The following SLC12A7 variants were observed in gnomAD, a reference collection of about 807,000 sequenced individuals.
SLC12A7 encodes the protein K-Cl cotransporter 4.
A neutral mutation model predicts 120.6 loss-of-function variants in SLC12A7; 100 were observed. That is an observed-to-expected ratio of 0.83 (90% CI 0.71 to 0.98). The LOEUF (loss-of-function observed/expected upper bound fraction) is 0.98. Among genes scored for constraint, SLC12A7 ranks in the 50% least tolerant of loss-of-function variants. The pLI is 0.00. For synonymous variants in SLC12A7, 760 were observed against 678.0 expected, an observed-to-expected ratio of 1.12 and a Z score of -1.88; for missense variants, 1,373 against 1,548.1, an observed-to-expected ratio of 0.89 and a Z score of 1.90.
upstream of SLC12A7, among the ~76,000 whole-genome samples, chr5:1,113,464 T>C (rs1743186760): frequency 6.6e-6 from 1 of 152,196 alleles, no homozygotes; most frequent in Admixed American, 6.5e-5. Flanking sequence ...CTTTGCCCCA[T>C]GGACTCTTCT....
rs200301497 is a variant in SLC12A7 at position 1,053,501 on chromosome 5, C to A, written c.3027-19G>T. The A allele has an allele frequency of 1.7e-5, 28 of 1,611,048 alleles. No individual in the cohort carries two copies. The highest frequency in any genetic ancestry group is 2.2e-5 in the Non-Finnish European group (26 of 1,178,740). On this transcript the variant is annotated intron_variant, in intron 22 of 23. Transcript: ENST00000264930. The stretch of plus-strand genomic sequence containing the variant: ...CTGGTCCCTGCAGGGGAGGTGGGCA[C>A]GGTCAGCGGGCGGCGGGTGCACCCC...
At chr5:1,122,814 A>G in the SLC12A7 span, among the ~76,000 whole-genome samples, 2 of 152,216 alleles carry the variant, frequency 1.3e-5, no homozygotes, top group Admixed American at 1.3e-4. Context: ...TCACCCACTC[A>G]TGTGCTGATG....
At chr5:1,102,996 A>C (rs1021146120) in intron 1 of SLC12A7, among the ~76,000 whole-genome samples, 1 of 152,168 alleles carries the variant, frequency 6.6e-6, no homozygotes, top group Admixed American at 6.5e-5. Context: ...ACTGAAATAA[A>C]GTGTGTTTAG....
chr5:1,144,214 T>C, the SLC12A7 span, among the ~76,000 whole-genome samples: 1 of 151,828 alleles, frequency 6.6e-6, no homozygotes, highest in South Asian at 2.1e-4. Flanking sequence ...GAGGGGAAGT[T>C]GGCCGGCGCA....
intron 17 of SLC12A7, among the ~76,000 whole-genome samples, chr5:1,067,412 A>G (rs145135372): frequency 0.012 from 1,876 of 151,244 alleles, 33 homozygotes; most frequent in African/African-American, 0.04. Context: ...AAGTGTGGCT[A>G]TTTCAGCAAA....
chr5:1,054,601 G>A (rs149050131), intron 22 of SLC12A7, among the ~76,000 whole-genome samples: 6 of 152,304 alleles, frequency 3.9e-5, no homozygotes, highest in South Asian at 2.1e-4. Context: ...AGCTGCAGCC[G>A]TGCGGTCGTG....
chr5:1,121,715 T>A, the SLC12A7 span, among the ~76,000 whole-genome samples: 3 of 152,048 alleles, frequency 2.0e-5, no homozygotes, highest in African/African-American at 7.2e-5. Context: ...CAGATGGGAA[T>A]CCCCTGCCCG....
In SLC12A7 at chr5:1,050,971, G is replaced by T; in HGVS notation, c.*1389C>A. 1 of 398,616 alleles carries T rather than the reference G, an allele frequency of 2.5e-6. No individual in the cohort carries two copies. The highest frequency in any genetic ancestry group is 4.4e-6 in the Non-Finnish European group (1 of 226,056). 24.7% of individuals were successfully genotyped at this position (398,616 alleles called of 1,614,324 possible). A position where few individuals can be genotyped will look rare whatever the true frequency, so the allele number is the denominator to read the frequency against. ...CAAGCCAGACGTAGCCCAAGGCCTG[G>T]CCATCTGGGGCCTCTAGTATATAGA... On this transcript the variant is annotated 3_prime_UTR_variant, in exon 24 of 24. Transcript: ENST00000264930.
chr5:1,054,015 A>G (rs1022353213), intron 22 of SLC12A7, among the ~76,000 whole-genome samples: 3 of 152,142 alleles, frequency 2.0e-5, no homozygotes, highest in Non-Finnish European at 4.4e-5. Flanking sequence ...TCAGGAAGGA[A>G]AGGCCCAGAG....
At chr5:1,052,600 A>T in intron 23 of SLC12A7, 149 bp from the exon 24 acceptor site, 1 of 662,626 alleles carries the variant, frequency 1.5e-6, no homozygotes, top group South Asian at 1.8e-5. Flanking sequence ...TGGGGATTAG[A>T]GAGACCCCCC....
At chr5:1,116,334 GC>G, upstream of SLC12A7, among the ~76,000 whole-genome samples, 1 of 152,322 alleles carries the variant, frequency 6.6e-6, no homozygotes, top group South Asian at 2.1e-4. Flanking sequence ...GGTGGGCCTG[GC>G]CTGGCGCTGG....
rs775619227 is a variant in SLC12A7, at chr5:1,057,594, G to T, written c.2903C>A (p.Thr968Asn). 2 of 1,610,162 alleles carry T rather than the reference G, an allele frequency of 1.2e-6. No individual in the cohort carries two copies. Among genetic ancestry groups the T allele is most frequent in the South Asian group, 1.1e-5 (1 of 91,078 alleles). The change falls in exon 22 of 24, where the codon ACC becomes AAC. Residue 968 changes from threonine to asparagine, a missense_variant. Transcript: ENST00000264930. ...TASHTAAAAR[T>N]QAPPTPDKVQ... ...CTTGTCTGGCGTAGGCGGCGCTTGGGTCCTGGCTGCCGCCGCGGTGTGGGA... is the reference window on the plus strand; with the variant it reads ...CTTGTCTGGCGTAGGCGGCGCTTGGTTCCTGGCTGCCGCCGCGGTGTGGGA...
intron 1 of SLC12A7, among the ~76,000 whole-genome samples, chr5:1,094,620 TTCAGCCCAGGGCAAGGGTACC>T (rs1228009130): frequency 2.0e-5 from 3 of 152,220 alleles, no homozygotes; most frequent in African/African-American, 7.2e-5. Flanking sequence ...AAGTGAGCTG[TTCAGCCCAGGGCAAGGGTACC>T]TCCCTCTGGC....
intron 21 of SLC12A7, 73 bp downstream of exon 21, chr5:1,060,271 C>CT (rs1736045705): frequency 8.7e-7 from 1 of 1,154,182 alleles, no homozygotes; most frequent in African/African-American, 1.5e-5. Flanking sequence ...GCAGGAGGGT[C>CT]CCAGAAAAGA....
intron 5 of SLC12A7, 39 bp from the exon 6 acceptor site, chr5:1,087,072 A>G: frequency 7.6e-6 from 12 of 1,583,726 alleles, no homozygotes; most frequent in Non-Finnish European, 1.0e-5. Flanking sequence ...TCAGGGGCGC[A>G]CTTGGACTCG....
At chr5:1,112,108 G>T (rs1465365041), upstream of SLC12A7, 2 of 1,125,708 alleles carry the variant, frequency 1.8e-6, no homozygotes, top group Admixed American at 4.5e-5. Flanking sequence ...GCCCCGCCCG[G>T]GCCACGTGAC....
rs906632490 is a variant in SLC12A7 at position 1,077,926 on chromosome 5, G to C, written c.1536C>G (p.Phe512Leu). 1 of 1,601,514 alleles carries C rather than the reference G, an allele frequency of 6.2e-7. No individual in the cohort carries two copies. The highest frequency in any genetic ancestry group is 1.7e-5 in the Admixed American group (1 of 58,748). Reference protein sequence around the residue: ...PSPWVIVIGSFFSTCGAGLQS... With the variant: ...PSPWVIVIGSLFSTCGAGLQS... Reference sequence around the variant, plus strand: ...GCAGGCCGGCACCGCAGGTGGAGAAGAAGGAGCCGATGACGATGACCCAGG... The same window carrying C: ...GCAGGCCGGCACCGCAGGTGGAGAACAAGGAGCCGATGACGATGACCCAGG... Residue 512 changes from phenylalanine to leucine, a missense_variant, in exon 12 of 24, where the codon TTC (phenylalanine) becomes TTG (leucine). Physicochemically the swap from Phe to Leu is conservative, Grantham distance 22 (BLOSUM62 0). Transcript: ENST00000264930.
intron 1 of SLC12A7, among the ~76,000 whole-genome samples, chr5:1,109,963 G>A (rs560408837): frequency 2.0e-5 from 3 of 152,334 alleles, no homozygotes; most frequent in African/African-American, 7.2e-5. Context: ...GAAGGCCTTT[G>A]GGAGGGGCTC....
chr5:1,083,034 C>T lies in SLC12A7; in HGVS notation c.1129+711G>A, dbSNP rs368850251. Among the ~76,000 whole-genome samples, 27 of 148,986 alleles carry T rather than the reference C, an allele frequency of 1.8e-4. 1 individual carries two copies. In the East Asian group the frequency reaches 3.8e-3, roughly 21 times the overall value. ...CAGGTTCTGGAAAGCCTGGGCTTCC[C>T]GTCTCAGGTTCTGGAAAGTCCAGGC... On this transcript the variant is annotated intron_variant, in intron 8 of 23. Coordinates refer to ENST00000264930, the MANE Select transcript of SLC12A7 (RefSeq NM_006598.3).
Sources: gnomAD v4.1 joint callset for allele counts (sites outside exome capture counted in the v4.1 genomes callset) on GRCh38, gnomAD v4.1.1 for gene constraint, MANE v1.5 for transcripts, NCBI Gene and HGNC (gene_info 2026-07-23, HGNC 2026-07-21) for gene names.